RAD51B: variants seen among roughly 807,000 people sequenced by gnomAD.
The protein encoded by RAD51B is DNA repair protein RAD51 homolog 2.
In RAD51B, 38 loss-of-function variants were observed where a neutral mutation model predicts 42.2. The observed-to-expected ratio is 0.90, with a 90% CI of 0.70 to 1.18. The LOEUF is 1.18. Ranked by LOEUF, RAD51B falls within the 50% of genes most tolerant of loss-of-function variation. The pLI, the probability that RAD51B is intolerant of heterozygous loss-of-function variation, is 0.00. For missense variants in RAD51B, 373 were observed against 400.7 expected, an observed-to-expected ratio of 0.93 and a Z score of 0.59; for synonymous variants, 154 against 145.2, an observed-to-expected ratio of 1.06 and a Z score of -0.43.
At chr14:68,124,731 A>G (rs1283417188) in intron 7 of RAD51B, among the ~76,000 whole-genome samples, 1 of 152,142 alleles carries the variant, frequency 6.6e-6, no homozygotes, top group Admixed American at 6.6e-5. Context: ...AGGGGGGCGG[A>G]TCATGAGGTC....
chr14:68,663,547 G>C (rs1025726499), intron 11 of RAD51B, among the ~76,000 whole-genome samples: 1 of 152,122 alleles, frequency 6.6e-6, no homozygotes, highest in Non-Finnish European at 1.5e-5. Flanking sequence ...TTCCTTGTTA[G>C]CTTCCTTTAG....
At chr14:68,592,860 C>T (rs1313303663) in intron 10 of RAD51B, among the ~76,000 whole-genome samples, 1 of 152,154 alleles carries the variant, frequency 6.6e-6, no homozygotes, top group Non-Finnish European at 1.5e-5. Flanking sequence ...CTTGGCTCTG[C>T]GTGGGATATG....
chr14:68,531,552 C>A (rs545776787), intron 10 of RAD51B, among the ~76,000 whole-genome samples: 2 of 151,768 alleles, frequency 1.3e-5, no homozygotes, highest in Non-Finnish European at 2.9e-5. Flanking sequence ...AACCTATATG[C>A]CCCTAAAAAC....
chr14:67,989,505 G>T (rs1343316422), intron 7 of RAD51B, among the ~76,000 whole-genome samples: 2 of 151,912 alleles, frequency 1.3e-5, no homozygotes, highest in Non-Finnish European at 2.9e-5. Flanking sequence ...GGGCGTGGTG[G>T]CACATGCCAG....
intron 10 of RAD51B, among the ~76,000 whole-genome samples, chr14:68,636,817 G>A (rs1209690397): frequency 3.3e-5 from 5 of 152,282 alleles, no homozygotes; most frequent in African/African-American, 7.2e-5. Context: ...GGCTGGGAGG[G>A]GAGTCCTCTG....
In RAD51B at chr14:67,951,761, A is replaced by T. The variant is rs567890981; in HGVS notation, c.756+64557A>T. ...TTCTGTTATTTTATGAGGTGATCTGATGTGGCTGCAAAGTTGTTAAAGTTA... is the reference window on the plus strand; with the variant it reads ...TTCTGTTATTTTATGAGGTGATCTGTTGTGGCTGCAAAGTTGTTAAAGTTA... On this transcript the variant is annotated intron_variant, in intron 7 of 10. Coordinates refer to ENST00000471583, the MANE Select transcript of RAD51B (RefSeq NM_133510.4). 2.6e-5 allele frequency among the ~76,000 whole-genome samples: 4 copies of T among 152,300 alleles called. No individual in the cohort carries two copies. The East Asian group carries it at 7.7e-4, about 29-fold the overall frequency.
intron 7 of RAD51B, among the ~76,000 whole-genome samples, chr14:68,156,938 C>G (rs1167845213): frequency 6.6e-6 from 1 of 152,120 alleles, no homozygotes; most frequent in East Asian, 1.9e-4. Context: ...TGCCTCATGC[C>G]TATAATCCTA....
intron 7 of RAD51B, among the ~76,000 whole-genome samples, chr14:67,952,080 T>C (rs1242708749): frequency 1.3e-5 from 2 of 152,208 alleles, no homozygotes; most frequent in African/African-American, 2.4e-5. Flanking sequence ...TTTTCCACTC[T>C]AATTCCAGAA....
intron 9 of RAD51B, among the ~76,000 whole-genome samples, chr14:68,426,242 ATT>A (rs55840994): frequency 4.4e-5 from 6 of 135,250 alleles, no homozygotes; most frequent in Non-Finnish European, 4.8e-5. Context: ...CTAATTTTGT[ATT>A]TTTTTTTTTT....
chr14:67,887,185 C>CT lies in RAD51B; in HGVS notation c.738dup (p.Glu247Ter). The CT allele has an allele frequency of 2.5e-6, 4 of 1,608,826 alleles. No homozygotes were observed. Among genetic ancestry groups the CT allele is most frequent in the Non-Finnish European group, 3.4e-6 (4 of 1,177,776 alleles). ...GAGGCATCCTCCTTGAAGTATTTGGCTGAGGAGTTTTCAATCCCAGTAAGT... is the reference window on the plus strand; with the variant it reads ...GAGGCATCCTCCTTGAAGTATTTGGCTTGAGGAGTTTTCAATCCCAGTAAGT... On this transcript the variant is annotated frameshift_variant, in exon 7 of 11. Transcript: ENST00000471583. LOFTEE classifies it high-confidence loss of function.
chr14:68,654,662 C>T (rs990822193), intron 11 of RAD51B, among the ~76,000 whole-genome samples: 2 of 152,282 alleles, frequency 1.3e-5, no homozygotes, highest in East Asian at 1.9e-4. Context: ...TGGTGAGGAT[C>T]GTGAGCAGTT....
chr14:67,897,973 A>T (rs1442296546), intron 7 of RAD51B, among the ~76,000 whole-genome samples: 1 of 152,116 alleles, frequency 6.6e-6, no homozygotes, highest in Non-Finnish European at 1.5e-5. Context: ...TTTGGTGGGA[A>T]TGTAAATTGG....
intron 11 of RAD51B, among the ~76,000 whole-genome samples, chr14:68,664,017 C>A (rs1892986531): frequency 6.6e-6 from 1 of 152,156 alleles, no homozygotes; most frequent in African/African-American, 2.4e-5. Context: ...TGCTTTGGTG[C>A]TAGAATACGC....
chr14:68,130,944 A>G lies in RAD51B; in HGVS notation c.757-160940A>G, dbSNP rs183174759. Among the ~76,000 whole-genome samples, 292 of 152,154 alleles carry G rather than the reference A, an allele frequency of 1.9e-3. 6 individuals carry two copies. Among genetic ancestry groups the G allele is most frequent in the Non-Finnish European group, 3.5e-4 (24 of 67,992 alleles). ...ACCAAATTTTGTTTTTTCATCCCTT[A>G]GGAAAAGTCAGGCTCTATTTGTTTG... On this transcript the variant is annotated intron_variant, in intron 7 of 10. Coordinates refer to ENST00000471583, the MANE Select transcript of RAD51B (RefSeq NM_133510.4).
intron 11 of RAD51B, among the ~76,000 whole-genome samples, chr14:68,662,402 C>A (rs1171486976): frequency 6.6e-6 from 1 of 152,224 alleles, no homozygotes; most frequent in Non-Finnish European, 1.5e-5. Context: ...GATTCTAATT[C>A]TGTTATCCAA....
intron 7 of RAD51B, among the ~76,000 whole-genome samples, chr14:68,284,720 T>G (rs1239962702): frequency 1.3e-5 from 2 of 152,216 alleles, no homozygotes; most frequent in Non-Finnish European, 2.9e-5. Context: ...ACAGTTGATA[T>G]TTTCTGAGCT....
chr14:67,864,161 C>T (rs1339100580), intron 4 of RAD51B, among the ~76,000 whole-genome samples: 2 of 152,196 alleles, frequency 1.3e-5, no homozygotes, highest in Non-Finnish European at 2.9e-5. Flanking sequence ...AATCACCTCC[C>T]ACCAGGCCCC....
In RAD51B at chr14:68,326,240, A is replaced by G. The variant is rs557366071; in HGVS notation, c.853+34260A>G. On this transcript the variant is annotated intron_variant, in intron 8 of 10. Coordinates refer to ENST00000471583, the MANE Select transcript of RAD51B (RefSeq NM_133510.4). The stretch of plus-strand genomic sequence containing the variant: ...TTTTTAATAGAGACGGAGTTTCTCC[A>G]TGTTGGTCAGGCTGGTCTTGAACTC... Among the ~76,000 whole-genome samples the G allele has an allele frequency of 5.3e-5, 8 of 151,930 alleles. No individual in the cohort carries two copies. In the East Asian group the frequency reaches 1.4e-3, roughly 26 times the overall value.
chr14:68,069,272 T>G (rs991823798), intron 7 of RAD51B, among the ~76,000 whole-genome samples: 1 of 152,216 alleles, frequency 6.6e-6, no homozygotes, highest in Non-Finnish European at 1.5e-5. Flanking sequence ...TTGTTGGTTT[T>G]TTTCCTTTCC....
Sources: allele counts gnomAD v4.1 joint callset (sites outside exome capture counted in the v4.1 genomes callset), GRCh38; gene constraint gnomAD v4.1.1; transcripts MANE v1.5; gene names NCBI Gene and HGNC (gene_info 2026-07-23, HGNC 2026-07-21).